Variants in DOCK10 observed in about 807,000 individuals in gnomAD.
DOCK10 encodes the protein dedicator of cytokinesis 10.
A neutral mutation model predicts 280.1 loss-of-function variants in DOCK10; 145 were observed. The ratio of observed to expected loss-of-function variants is 0.52; its 90% CI spans 0.45 to 0.59. DOCK10 has a LOEUF of 0.59. Among genes scored for constraint, DOCK10 ranks in the 20% least tolerant of loss-of-function variants. DOCK10 has a pLI of 0.00. For missense variants in DOCK10, 2,368 were observed against 2,651.7 expected, an observed-to-expected ratio of 0.89 and a Z score of 2.35; for synonymous variants, 915 against 942.2, an observed-to-expected ratio of 0.97 and a Z score of 0.53.
chr2:224,929,979 T>G (rs1702243877), intron 2 of DOCK10, among the ~76,000 whole-genome samples: 2 of 152,034 alleles, frequency 1.3e-5, no homozygotes, highest in South Asian at 4.2e-4. Flanking sequence ...GATGGGTGGA[T>G]CACTTGAGGT....
intron 27 of DOCK10, among the ~76,000 whole-genome samples, chr2:224,828,316 T>C (rs1695000967): frequency 6.6e-6 from 1 of 152,194 alleles, no homozygotes. Flanking sequence ...GGTGTGCTTT[T>C]TCAGAACATG....
chr2:224,874,624 T>C, intron 9 of DOCK10, 42 bp downstream of exon 9: 1 of 1,544,182 alleles, frequency 6.5e-7, no homozygotes, highest in Non-Finnish European at 9.0e-7. Flanking sequence ...AACTAACAAA[T>C]AATTCAAATT....
At chr2:225,041,810 C>A (rs897348345) in intron 1 of DOCK10, among the ~76,000 whole-genome samples, 2 of 152,152 alleles carry the variant, frequency 1.3e-5, no homozygotes, top group Admixed American at 1.3e-4. Context: ...TCTCTCAGCG[C>A]ACTGGTCTGT....
intron 41 of DOCK10, among the ~76,000 whole-genome samples, chr2:224,799,530 A>AT (rs1484423859): frequency 1.3e-5 from 2 of 152,234 alleles, no homozygotes; most frequent in Non-Finnish European, 2.9e-5. Context: ...GCAAATACCT[A>AT]TTACAGTATT....
Position 224,787,494 on chromosome 2 carries a change from C to T in DOCK10, c.5419-97G>A, listed in dbSNP as rs1691815223. The T allele has an allele frequency of 2.0e-6, 3 of 1,484,540 alleles. No individual in the cohort carries two copies. In the East Asian group the frequency reaches 6.8e-5, roughly 34 times the overall value. 92.0% of individuals were successfully genotyped at this position (1,484,540 alleles called of 1,614,324 possible). On this transcript the variant is annotated intron_variant, in intron 48 of 55. Coordinates refer to ENST00000258390, the MANE Select transcript of DOCK10 (RefSeq NM_014689.3). ...AAGCTGTTGCATTGTCAAACTTTTC[C>T]CTCTGTTACTGGCATTTAAAACCCA...
At chr2:224,829,510 G>A (rs775773606) in intron 27 of DOCK10, among the ~76,000 whole-genome samples, 2 of 152,188 alleles carry the variant, frequency 1.3e-5, no homozygotes, top group Non-Finnish European at 2.9e-5. Context: ...TACCCTCCAC[G>A]TGGGGCAGGG....
At chr2:225,033,701 A>G (rs774256451) in intron 1 of DOCK10, among the ~76,000 whole-genome samples, 1 of 152,244 alleles carries the variant, frequency 6.6e-6, no homozygotes, top group Non-Finnish European at 1.5e-5. Context: ...TGTGAAAGAT[A>G]AGAAGCAAAC....
Position 225,014,084 on chromosome 2 carries a change from G to GTTTTT in DOCK10, c.123+28163_123+28167dup, listed in dbSNP as rs1174953662. Among the ~76,000 whole-genome samples, 67 of 104,418 alleles carry GTTTTT rather than the reference G, an allele frequency of 6.4e-4. 1 individual carries two copies. The highest frequency in any genetic ancestry group is 4.7e-3 in the Middle Eastern group (1 of 212). 68.5% of individuals were successfully genotyped at this position (104,418 alleles called of 152,430 possible). On this transcript the variant is annotated intron_variant, in intron 1 of 55. Transcript: ENST00000258390. ...AAATCCCCAGAAGTCTGAATATATT[G>GTTTTT]TTTTTTTTTTTTTGTTTTTTTTTTT...
At chr2:224,864,445 G>A (rs559670992) in intron 13 of DOCK10, 108 bp downstream of exon 13, 2 of 1,077,524 alleles carry the variant, frequency 1.9e-6, no homozygotes, top group African/African-American at 3.2e-5. Context: ...AGGAGACAGA[G>A]GTTGCAGTGA....
At chr2:224,782,052 CATGA>C (rs1228374597) in intron 50 of DOCK10, among the ~76,000 whole-genome samples, 1 of 152,106 alleles carries the variant, frequency 6.6e-6, no homozygotes, top group African/African-American at 2.4e-5. Flanking sequence ...AGAGAAGCTA[CATGA>C]ATGAATTTCT....
chr2:224,913,828 C>T (rs994155143), intron 3 of DOCK10, among the ~76,000 whole-genome samples: 3 of 152,130 alleles, frequency 2.0e-5, no homozygotes, highest in African/African-American at 7.2e-5. Flanking sequence ...CCCAGGTTCA[C>T]ACCATTCTCT....
rs1314430002 is a variant in DOCK10, at chr2:225,034,944, A to G, written c.123+7308T>C. ...CTCACCCTCCACTTGGTAATCCAGG[A>G]TGACCTTCCTGAGAAGGTGACATCT... On this transcript the variant is annotated intron_variant, in intron 1 of 55. Transcript: ENST00000258390. Among the ~76,000 whole-genome samples the G allele has an allele frequency of 2.0e-5, 3 of 152,170 alleles. No homozygotes were observed. In the East Asian group the frequency reaches 5.8e-4, roughly 29 times the overall value.
intron 1 of DOCK10, among the ~76,000 whole-genome samples, chr2:224,952,620 T>A (rs1248265471): frequency 6.8e-6 from 1 of 147,114 alleles, no homozygotes; most frequent in Non-Finnish European, 1.5e-5. Context: ...TGAGACGGAG[T>A]CTTGCTCTGT....
intron 3 of DOCK10, among the ~76,000 whole-genome samples, chr2:224,900,484 T>C (rs1409179566): frequency 6.6e-6 from 1 of 152,194 alleles, no homozygotes; most frequent in Non-Finnish European, 1.5e-5. Context: ...ATTTGTCTGA[T>C]TCTAAAAGTC....
intron 1 of DOCK10, among the ~76,000 whole-genome samples, chr2:224,956,643 A>T (rs1026034927): frequency 6.7e-6 from 1 of 149,868 alleles, no homozygotes. Flanking sequence ...AAAAAAAAAA[A>T]AAAAAAAGAG....
At chr2:224,983,080 T>C (rs545544348) in intron 1 of DOCK10, among the ~76,000 whole-genome samples, 2 of 152,222 alleles carry the variant, frequency 1.3e-5, no homozygotes, top group Non-Finnish European at 2.9e-5. Context: ...TATATTTACA[T>C]ACGCGGCTTG....
At chr2:224,881,002 T>C (rs1698944433) in intron 7 of DOCK10, among the ~76,000 whole-genome samples, 1 of 152,168 alleles carries the variant, frequency 6.6e-6, no homozygotes, top group Admixed American at 6.5e-5. Flanking sequence ...TATGTTTCAG[T>C]CACACAGAAC....
chr2:224,792,945 T>C (rs1692301879), intron 47 of DOCK10, 29 bp downstream of exon 47: 1 of 1,511,010 alleles, frequency 6.6e-7, no homozygotes, highest in Non-Finnish European at 9.2e-7. Context: ...TCCTCTGCAT[T>C]GGGATAAATG....
intron 2 of DOCK10, among the ~76,000 whole-genome samples, chr2:224,929,717 G>C (rs1702222715): frequency 6.6e-6 from 1 of 152,176 alleles, no homozygotes; most frequent in Non-Finnish European, 1.5e-5. Flanking sequence ...AGATCAAGGA[G>C]TAATCAGAGA....
Sources: gnomAD v4.1 joint callset for allele counts (sites outside exome capture counted in the v4.1 genomes callset) on GRCh38, gnomAD v4.1.1 for gene constraint, MANE v1.5 for transcripts, NCBI Gene and HGNC (gene_info 2026-07-23, HGNC 2026-07-21) for gene names.